The following DDX59 variants were observed in gnomAD, a reference collection of about 807,000 sequenced individuals.
DDX59 encodes DEAD-box helicase 59, also known as probable ATP-dependent RNA helicase DDX59.
Under a neutral mutation model 51.9 loss-of-function variants are expected in DDX59, and 30 were observed. The ratio of observed to expected loss-of-function variants is 0.58; its 90% CI spans 0.43 to 0.78. The LOEUF (loss-of-function observed/expected upper bound fraction) is 0.78, where lower values mean the gene tolerates loss of function less well. Ranked by LOEUF, DDX59 falls within the 30% of genes least tolerant of loss-of-function variation. The pLI, the probability that DDX59 is intolerant of heterozygous loss-of-function variation, is 0.00. For missense variants in DDX59, 672 were observed against 730.8 expected (o/e 0.92, Z 0.93); for synonymous variants, 255 against 253.3 (o/e 1.01, Z -0.06).
chr1:200,643,500 G>A (rs529491668), downstream of DDX59, among the ~76,000 whole-genome samples: 29 of 151,276 alleles, frequency 1.9e-4, no homozygotes, highest in South Asian at 6.3e-4. Context: ...AAAATTAGCC[G>A]GGCGTGGTGG....
At chr1:200,650,744 C>A in intron 4 of DDX59, 68 bp from the exon 5 acceptor site, 1 of 1,352,456 alleles carries the variant, frequency 7.4e-7, no homozygotes, top group South Asian at 1.7e-5. Flanking sequence ...CCAAAAAAGA[C>A]TGATATAATT....
chr1:200,662,201 A>T (rs1166622926), intron 3 of DDX59, among the ~76,000 whole-genome samples: 2 of 152,120 alleles, frequency 1.3e-5, no homozygotes, highest in Non-Finnish European at 2.9e-5. Flanking sequence ...GGACTAATAC[A>T]CAATGTTAAT....
At chr1:200,649,249 C>T (rs779911576) in intron 5 of DDX59, 23 bp from the exon 6 acceptor site, 145 of 1,539,740 alleles carry the variant, frequency 9.4e-5, no homozygotes, top group Non-Finnish European at 1.2e-4. Context: ...AAACATATAT[C>T]AAAAATTATT....
Position 200,655,833 on chromosome 1 carries a change from A to AT in DDX59, c.1062+3193dup, listed in dbSNP as rs879811363. ...AAAAATTGGCATCATATACAGTCCA[A>AT]TTTTTTTTTTTTTTGAGACGGAGTT... On this transcript the variant is annotated intron_variant, in intron 4 of 7. Coordinates refer to ENST00000331314, the MANE Select transcript of DDX59 (RefSeq NM_001031725.6). Among the ~76,000 whole-genome samples, 1,430 of 144,830 alleles carry AT rather than the reference A, an allele frequency of 9.9e-3. 17 individuals are homozygous for AT. The highest frequency in any genetic ancestry group is 0.025 in the African/African-American group (999 of 39,728).
downstream of DDX59, among the ~76,000 whole-genome samples, chr1:200,642,160 T>C (rs1368620708): frequency 1.3e-5 from 2 of 152,208 alleles, no homozygotes; most frequent in Admixed American, 6.5e-5. Context: ...TTTGCTTCAA[T>C]CTGGCAATAA....
In DDX59 at chr1:200,647,965, C is replaced by T. The variant is rs1420898902; in HGVS notation, c.1596+474G>A. On this transcript the variant is annotated intron_variant, in intron 7 of 7. Transcript: ENST00000331314. The stretch of plus-strand genomic sequence containing the variant: ...CTCCAGCTTGGGTAACAGAGTGAGA[C>T]TGTCTCAAAAAAAAAAAAAATCTTA... Among the ~76,000 whole-genome samples, 19 of 123,958 alleles carry T rather than the reference C, an allele frequency of 1.5e-4. No homozygotes were observed. In the Admixed American group the frequency reaches 1.9e-3, roughly 12 times the overall value. 81.3% of individuals were successfully genotyped at this position (123,958 alleles called of 152,430 possible).
In DDX59 at chr1:200,644,455, T is replaced by G. The variant is rs1179492682; in HGVS notation, c.1659A>C (p.Ser553=). 3 of 1,609,210 alleles carry G rather than the reference T, an allele frequency of 1.9e-6. No homozygotes were observed. The highest frequency in any genetic ancestry group is 1.7e-5 in the Admixed American group (1 of 59,338). The part of the protein sequence containing the change: ...GTAITFINNN[S]KRLFWDIAKR... ...TTGCAATATCCCAGAAGAGTCTTTT[T>G]GAATTATTATTGATGAAAGTAATCG... Residue 553 remains serine, a synonymous_variant, in exon 8 of 8, where the codon TCA becomes TCC. Transcript: ENST00000331314.
In DDX59 at chr1:200,666,013, A is replaced by C; in HGVS notation, c.728T>G (p.Ile243Ser). Residue 243 changes from isoleucine to serine, a missense_variant, in exon 2 of 8, where the codon ATT (isoleucine) becomes AGT (serine). Physicochemically the swap from Ile to Ser is moderately radical, Grantham distance 142. Coordinates refer to ENST00000331314, the MANE Select transcript of DDX59 (RefSeq NM_001031725.6). Reference sequence around the variant, plus strand: ...TGAGCCAGTATCTGCACTGGCCAGAATGTCTCTTCCCAGAAGTCCCACAGG... The same window carrying C: ...TGAGCCAGTATCTGCACTGGCCAGACTGTCTCTTCCCAGAAGTCCCACAGG... ...MIPVGLLGRD[I>S]LASADTGSGK... 6.2e-7 allele frequency: 1 copy of C among 1,614,242 alleles called. No individual in the cohort carries two copies. Among genetic ancestry groups the C allele is most frequent in the Non-Finnish European group, 8.5e-7 (1 of 1,180,042 alleles).
Position 200,666,307 on chromosome 1 carries a change from T to A in DDX59, c.434A>T (p.Lys145Ile). The change falls in exon 2 of 8, where the codon AAA (lysine) becomes ATA (isoleucine). Residue 145 changes from lysine (K) to isoleucine (I), a missense_variant. Transcript: ENST00000331314. ...CTTCTGTGGATTGCTGAGTTTTGATTTCTCTTCCTTTTCCTTAACTTGTAG... is the reference window on the plus strand; with the variant it reads ...CTTCTGTGGATTGCTGAGTTTTGATATCTCTTCCTTTTCCTTAACTTGTAG... ...HLLQVKEKEE[K>I]SKLSNPQKAD... 1 of 1,614,218 alleles carries A rather than the reference T, an allele frequency of 6.2e-7. No homozygotes were observed.
At chr1:200,648,416 T>A (rs773178344) in intron 7 of DDX59, 23 bp downstream of exon 7, 5 of 1,610,216 alleles carry the variant, frequency 3.1e-6, no homozygotes, top group Non-Finnish European at 3.4e-6. Flanking sequence ...AACAAAATAG[T>A]GGTAACATAT....
At chr1:200,662,746 G>A (rs1450061600) in intron 3 of DDX59, among the ~76,000 whole-genome samples, 1 of 152,180 alleles carries the variant, frequency 6.6e-6, no homozygotes, top group Non-Finnish European at 1.5e-5. Context: ...GAATTATAAT[G>A]TTATCCATTC....
chr1:200,648,999 G>A (rs1442097908), intron 6 of DDX59, 75 bp downstream of exon 6: 1 of 1,394,946 alleles, frequency 7.2e-7, no homozygotes, highest in African/African-American at 1.5e-5. Flanking sequence ...AAAACCAGCT[G>A]TAATATGGTT....
In DDX59 at chr1:200,663,838, A is replaced by G. The variant is rs60572979; in HGVS notation, c.972+81T>C. On this transcript the variant is annotated intron_variant, in intron 3 of 7. Coordinates refer to ENST00000331314, the MANE Select transcript of DDX59 (RefSeq NM_001031725.6). ...GCTCTCTAAAATCATACTTTTAAAA[A>G]TTCTTCAAGGGGAAAAAAAACACTA... The G allele has an allele frequency of 0.078, 105,811 of 1,348,078 alleles. 7,702 individuals carry two copies. The highest frequency in any genetic ancestry group is 0.4 in the East Asian group (14,647 of 36,850). 83.5% of individuals were successfully genotyped at this position (1,348,078 alleles called of 1,614,324 possible).
chr1:200,669,496 C>T (rs1055532920), intron 1 of DDX59: 42 of 152,494 alleles, frequency 2.8e-4, no homozygotes, highest in Non-Finnish European at 5.1e-4. Flanking sequence ...GCCAACGCGC[C>T]CCGCACCCCC....
downstream of DDX59, among the ~76,000 whole-genome samples, chr1:200,643,882 T>C (rs1385704383): frequency 3.9e-5 from 6 of 152,148 alleles, no homozygotes; most frequent in Non-Finnish European, 1.5e-5. Context: ...CTAATTCTCA[T>C]TTATTCAACA....
rs1342312651 is a variant in DDX59 at position 200,644,328 on chromosome 1, G to A, written c.1786C>T (p.Gln596Ter). 3 of 1,613,418 alleles carry A rather than the reference G, an allele frequency of 1.9e-6. No homozygotes were observed. The highest frequency in any genetic ancestry group is 2.5e-6 in the Non-Finnish European group (3 of 1,179,792). ...RKEQQKDKQT[Q>*]NDLVTGANLM... ...TTAGCTCCTGTAACCAGATCATTCT[G>A]TGTCTGTTTATCTTTCTGTTGTTCC... The change falls in exon 8 of 8, where the codon CAG becomes TAG. Residue 596 changes from glutamine to a stop codon, truncating the protein, a stop_gained. Transcript: ENST00000331314. LOFTEE classifies it high-confidence loss of function.
downstream of DDX59, chr1:200,641,124 G>A (rs1370956044): frequency 1.6e-5 from 20 of 1,279,670 alleles, no homozygotes; most frequent in Admixed American, 3.7e-4. Context: ...TGGATGACAC[G>A]TTACCTCTTG....
chr1:200,644,895 CAAAAA>C (rs60033922), intron 7 of DDX59, among the ~76,000 whole-genome samples: 1 of 80,982 alleles, frequency 1.2e-5, no homozygotes, highest in Non-Finnish European at 2.5e-5. Context: ...GACTCCATCT[CAAAAA>C]AAAAAAAAAA....
intron 3 of DDX59, among the ~76,000 whole-genome samples, chr1:200,662,101 C>T (rs1002831841): frequency 2.6e-5 from 4 of 152,304 alleles, no homozygotes; most frequent in Middle Eastern, 3.4e-3. Flanking sequence ...AGCCACTATG[C>T]TTCCTGTACA....
Sources: gnomAD v4.1 joint callset for allele counts (sites outside exome capture counted in the v4.1 genomes callset) on GRCh38, gnomAD v4.1.1 for gene constraint, MANE v1.5 for transcripts, NCBI Gene and HGNC (gene_info 2026-07-23, HGNC 2026-07-21) for gene names.